The following TBC1D4 variants were observed in gnomAD, a reference collection of about 807,000 sequenced individuals.
The protein encoded by TBC1D4 is TBC (Tre-2, BUB2, CDC16) domain-containing protein.
In TBC1D4, 121 loss-of-function variants were observed where a neutral mutation model predicts 142.5. That is an observed-to-expected ratio of 0.85 (90% CI 0.73 to 0.99). The LOEUF is 0.99. TBC1D4 is among the 50% of genes least tolerant of loss of function. The pLI is 0.00. For missense variants in TBC1D4, 1,475 were observed against 1,606.6 expected (o/e 0.92, Z 1.40); for synonymous variants, 630 against 628.2 (o/e 1.00, Z -0.04).
intron 1 of TBC1D4, among the ~76,000 whole-genome samples, chr13:75,391,195 TACACACACACACAC>T (rs111629817): frequency 7.0e-6 from 1 of 141,932 alleles, no homozygotes; most frequent in African/African-American, 2.6e-5. Context: ...CCCATCAGTT[TACACACACACACAC>T]ACACACACAC....
chr13:75,464,378 A>G (rs1405105597), intron 1 of TBC1D4, among the ~76,000 whole-genome samples: 2 of 152,252 alleles, frequency 1.3e-5, no homozygotes, highest in East Asian at 3.8e-4. Context: ...CACAAACATG[A>G]GCATGAGCAA....
In TBC1D4 at chr13:75,302,282, G is replaced by T. The variant is rs763738288; in HGVS notation, c.2872C>A (p.Gln958Lys). 1.9e-6 allele frequency: 3 copies of T among 1,614,076 alleles called. No individual in the cohort carries two copies. Among genetic ancestry groups the T allele is most frequent in the Non-Finnish European group, 2.5e-6 (3 of 1,180,046 alleles). The change falls in exon 16 of 21, where the codon CAG becomes AAG. Residue 958 changes from glutamine to lysine, a missense_variant. Physicochemically the swap from Gln to Lys is moderately conservative, Grantham distance 53. Transcript: ENST00000377636. ...PDISYKELLK[Q>K]LTAQQHAILV... ...ATCGCATGCTGCTGAGCAGTGAGCT[G>T]CTTCAAAAGTTCCTTATAGGATATG...
At chr13:75,345,719 C>T (rs1881097058) in intron 5 of TBC1D4, among the ~76,000 whole-genome samples, 1 of 151,214 alleles carries the variant, frequency 6.6e-6, no homozygotes, top group Admixed American at 6.6e-5. Context: ...ATGGTGAAAC[C>T]CCGTCTCTAA....
At chr13:75,465,161 G>A (rs569301473) in intron 1 of TBC1D4, among the ~76,000 whole-genome samples, 3 of 152,272 alleles carry the variant, frequency 2.0e-5, no homozygotes, top group South Asian at 2.1e-4. Flanking sequence ...GCGCAGGGCC[G>A]TAAGTGGTGG....
chr13:75,313,006 C>A (rs187540156), intron 12 of TBC1D4, 108 bp from the exon 13 acceptor site: 97 of 1,254,728 alleles, frequency 7.7e-5, no homozygotes, highest in East Asian at 2.0e-4. Context: ...CGGGCAAGCA[C>A]AAGCCACAGG....
chr13:75,430,747 T>C (rs1886563539), intron 1 of TBC1D4, among the ~76,000 whole-genome samples: 1 of 151,960 alleles, frequency 6.6e-6, no homozygotes, highest in Non-Finnish European at 1.5e-5. Flanking sequence ...GAACAGTTGC[T>C]CCCTTAAGGC....
Position 75,481,562 on chromosome 13 carries a change from G to A in TBC1D4, c.206C>T (p.Pro69Leu), listed in dbSNP as rs528251336. ...MAEIRRRSQK[P>L]EAGGCGAPAA... ...CGGCGCCCCGCAGCCGCCCGCCTCGGGCTTCTGGCTGCGCCTGCGGATCTC... is the reference window on the plus strand; with the variant it reads ...CGGCGCCCCGCAGCCGCCCGCCTCGAGCTTCTGGCTGCGCCTGCGGATCTC... The change falls in exon 1 of 21, where the codon CCC becomes CTC. Residue 69 changes from proline (P) to leucine (L), a missense_variant. Coordinates refer to ENST00000377636, the MANE Select transcript of TBC1D4 (RefSeq NM_014832.5). The A allele has an allele frequency of 3.5e-5, 56 of 1,598,786 alleles. No homozygotes were observed. The Admixed American group carries it at 9.6e-4, about 28-fold the overall frequency.
At chr13:75,443,983 A>G (rs968034751) in intron 1 of TBC1D4, among the ~76,000 whole-genome samples, 5 of 152,316 alleles carry the variant, frequency 3.3e-5, no homozygotes, top group African/African-American at 1.2e-4. Context: ...ATCTGAAAAA[A>G]AAAAAAGCTG....
chr13:75,342,948 T>C (rs560745498), intron 5 of TBC1D4, among the ~76,000 whole-genome samples: 62 of 152,274 alleles, frequency 4.1e-4, no homozygotes, highest in African/African-American at 1.4e-3. Context: ...ATATATTACA[T>C]GATGTTATGA....
intron 1 of TBC1D4, among the ~76,000 whole-genome samples, chr13:75,440,202 A>G (rs1886976774): frequency 6.6e-6 from 1 of 152,062 alleles, no homozygotes; most frequent in Admixed American, 6.6e-5. Context: ...CTGGAAAAGA[A>G]AAAAAAAGAA....
intron 1 of TBC1D4, among the ~76,000 whole-genome samples, chr13:75,457,471 C>G (rs906731851): frequency 6.6e-5 from 10 of 152,172 alleles, no homozygotes; most frequent in Admixed American, 1.3e-4. Context: ...TAAATGTCCA[C>G]TGGGGAATAA....
rs758854832 is a variant in TBC1D4, at chr13:75,359,859, C to A, written c.1081-1G>T. 1 of 1,612,864 alleles carries A rather than the reference C, an allele frequency of 6.2e-7. No homozygotes were observed. Among genetic ancestry groups the A allele is most frequent in the Non-Finnish European group, 8.5e-7 (1 of 1,179,076 alleles). On this transcript the variant is annotated splice_acceptor_variant, in intron 2 of 20. Transcript: ENST00000377636. LOFTEE classifies it high-confidence loss of function. ...TAAGGTTAATCTCAAATCGCCCAAC[C>A]TTAAAAATAAAAGCATTCCAATTAA...
At position 75,322,112 on chromosome 13, in the gene TBC1D4, T is replaced by C. The variant is rs1878828424; in HGVS notation, c.2199-2075A>G. On this transcript the variant is annotated intron_variant, in intron 11 of 20. Coordinates refer to ENST00000377636, the MANE Select transcript of TBC1D4 (RefSeq NM_014832.5). ...AAGAGAAATAGTGGTGTTCACTCTG[T>C]GATAATCCATTGAGCTGTGTGCTTT... is the stretch of plus-strand genomic sequence containing the variant. Among the ~76,000 whole-genome samples the C allele has an allele frequency of 3.3e-5, 5 of 152,324 alleles. No homozygotes were observed. In the South Asian group the frequency reaches 1.0e-3, roughly 32 times the overall value.
chr13:75,391,321 A>G (rs1272874409), intron 1 of TBC1D4, among the ~76,000 whole-genome samples: 2 of 152,084 alleles, frequency 1.3e-5, no homozygotes, highest in African/African-American at 2.4e-5. Flanking sequence ...TTAAACTCCA[A>G]AAGAGTTGCC....
At chr13:75,299,038 T>C (rs796670206) in intron 17 of TBC1D4, among the ~76,000 whole-genome samples, 10 of 152,198 alleles carry the variant, frequency 6.6e-5, no homozygotes, top group South Asian at 6.2e-4. Context: ...ATGTAACCCA[T>C]AGACTTAGGG....
intron 1 of TBC1D4, chr13:75,366,972 A>G: frequency 4.1e-6 from 4 of 985,448 alleles, no homozygotes; most frequent in Non-Finnish European, 3.6e-6. Flanking sequence ...TGATTTTGCC[A>G]AACTGGTGTA....
intron 1 of TBC1D4, among the ~76,000 whole-genome samples, chr13:75,465,296 T>C (rs574590121): frequency 1.7e-4 from 26 of 152,286 alleles, no homozygotes; most frequent in African/African-American, 4.8e-4. Flanking sequence ...GTGAATGCAT[T>C]TGCTTTATAC....
intron 1 of TBC1D4, among the ~76,000 whole-genome samples, chr13:75,477,086 A>C (rs1888654941): frequency 6.6e-6 from 1 of 152,220 alleles, no homozygotes. Context: ...TCCACTTCAG[A>C]CTGCAAGGAG....
chr13:75,366,384 C>T (rs1282261967), intron 1 of TBC1D4, among the ~76,000 whole-genome samples: 1 of 151,732 alleles, frequency 6.6e-6, no homozygotes, highest in Non-Finnish European at 1.5e-5. Context: ...CATCGAGATC[C>T]ACATTCTGTG....
Sources: gnomAD v4.1 joint callset for allele counts (sites outside exome capture counted in the v4.1 genomes callset) on GRCh38, gnomAD v4.1.1 for gene constraint, MANE v1.5 for transcripts, NCBI Gene and HGNC (gene_info 2026-07-23, HGNC 2026-07-21) for gene names.